The following ERMN variants were observed in gnomAD, a reference collection of about 807,000 sequenced individuals.
ERMN encodes the protein ermin.
A neutral mutation model predicts 21.4 loss-of-function variants in ERMN; 17 were observed. The ratio of observed to expected loss-of-function variants is 0.80; its 90% CI spans 0.54 to 1.19. ERMN has a LOEUF of 1.19. ERMN is among the 50% of genes most tolerant of loss of function. The pLI, the probability that ERMN is intolerant of heterozygous loss-of-function variation, is 0.00. For synonymous variants in ERMN, 115 were observed against 111.9 expected (o/e 1.03, Z -0.17); for missense variants, 348 against 331.6 (o/e 1.05, Z -0.38).
At chr2:157,326,426 T>C (rs1476885000), upstream of ERMN, among the ~76,000 whole-genome samples, 1 of 152,178 alleles carries the variant, frequency 6.6e-6, no homozygotes, top group African/African-American at 2.4e-5. Context: ...TAGCTTCTTA[T>C]CCTCTAGTTT....
chr2:157,322,246 G>GCACACA (rs61536459), intron 2 of ERMN, among the ~76,000 whole-genome samples: 5 of 142,020 alleles, frequency 3.5e-5, no homozygotes, highest in African/African-American at 5.1e-5. Context: ...ACACACACAC[G>GCACACA]CACACACACA....
upstream of ERMN, among the ~76,000 whole-genome samples, chr2:157,326,345 T>C (rs536556370): frequency 6.6e-6 from 1 of 152,246 alleles, no homozygotes; most frequent in Non-Finnish European, 1.5e-5. Context: ...AAGGGACCTA[T>C]GAAATAAACA....
rs2105189752 is a variant in ERMN, at chr2:157,324,712, A to C, written c.292T>G (p.Ser98Ala). 6.2e-7 allele frequency: 1 copy of C among 1,613,748 alleles called. No homozygotes were observed. Among genetic ancestry groups the C allele is most frequent in the South Asian group, 1.1e-5 (1 of 91,048 alleles). ...FIVHKAITDL[S>A]LQETSADEMT... is the part of the protein sequence containing the mutation. ...TCATCAGCACTAGTTTCTTGGAGAG[A>C]AAGATCTGTGATAGCCTTATGAACA... The change falls in exon 2 of 3, where the codon TCT becomes GCT. Residue 98 changes from serine to alanine, a missense_variant. Coordinates refer to ENST00000410096, the MANE Select transcript of ERMN (RefSeq NM_020711.3).
At chr2:157,324,834 A>G (rs1684020276) in intron 1 of ERMN, 72 bp from the exon 2 acceptor site, 16 of 1,063,574 alleles carry the variant, frequency 1.5e-5, no homozygotes, top group Non-Finnish European at 2.0e-5. Flanking sequence ...TAAGTTATCA[A>G]TTTAAACTCT....
Position 157,319,623 on chromosome 2 carries a change from CT to C in ERMN, c.*1647del, listed in dbSNP as rs1189362428. 1.3e-5 allele frequency: 2 copies of C among 152,246 alleles called. No homozygotes were observed. Among genetic ancestry groups the C allele is most frequent in the Non-Finnish European group, 2.9e-5 (2 of 68,006 alleles). 9.4% of individuals were successfully genotyped at this position (152,246 alleles called of 1,614,324 possible). The stretch of plus-strand genomic sequence containing the variant: ...TTGTCCTATTGCATCAATCTTCTCC[CT>C]AACTTTATCAATAAAGACCTGATTT... On this transcript the variant is annotated 3_prime_UTR_variant, in exon 3 of 3. Transcript: ENST00000410096.
At position 157,325,697 on chromosome 2, in the gene ERMN, G is replaced by A. The variant is rs759322114; in HGVS notation, c.-55C>T. The stretch of plus-strand genomic sequence containing the variant: ...GAGCTTTAGGGAAACTGAGTGAGTA[G>A]ATCCTTGATAAGATACCTGCTCTTG... On this transcript the variant is annotated 5_prime_UTR_variant, in exon 1 of 3. Transcript: ENST00000410096. 15 of 1,611,156 alleles carry A rather than the reference G, an allele frequency of 9.3e-6. No individual in the cohort carries two copies. The South Asian group carries it at 1.6e-4, about 18-fold the overall frequency.
In ERMN at chr2:157,321,346, T is replaced by C. The variant is rs771744285; in HGVS notation, c.780A>G (p.Thr260=). The change falls in exon 3 of 3, where the codon ACA becomes ACG. Residue 260 remains threonine, a synonymous_variant. Transcript: ENST00000410096. The part of the protein sequence containing the change: ...ISRNAYSRYN[T]ISYRKIRKGN... ...CCTTTCTGATTTTCCGATAGGATAT[T>C]GTATTGTATCTGGAATAAGCATTTC... 14 of 1,614,134 alleles carry C rather than the reference T, an allele frequency of 8.7e-6. No homozygotes were observed. Among genetic ancestry groups the C allele is most frequent in the Non-Finnish European group, 1.1e-5 (13 of 1,179,996 alleles).
rs1043442114 is a variant in ERMN at position 157,321,248 on chromosome 2, A to G, written c.*23T>C. Reference sequence around the variant, plus strand: ...ATTAGCTTTTCCTTTAGTGGGCATGAGAATTTCTCAGTTCCAGTTAGTTTA... The same window carrying G: ...ATTAGCTTTTCCTTTAGTGGGCATGGGAATTTCTCAGTTCCAGTTAGTTTA... On this transcript the variant is annotated 3_prime_UTR_variant, in exon 3 of 3. Coordinates refer to ENST00000410096, the MANE Select transcript of ERMN (RefSeq NM_020711.3). The G allele has an allele frequency of 6.3e-7, 1 of 1,596,406 alleles. No individual in the cohort carries two copies. The highest frequency in any genetic ancestry group is 8.5e-7 in the Non-Finnish European group (1 of 1,170,892).
rs1356905846 is a variant in ERMN, at chr2:157,320,148, A to G, written c.*1123T>C. ...ATAGTCTCTCTTTTCATAAATATTC[A>G]ATACGTTATTTGACACATTGGTTTG... On this transcript the variant is annotated 3_prime_UTR_variant, in exon 3 of 3. Transcript: ENST00000410096. 3 of 152,566 alleles carry G rather than the reference A, an allele frequency of 2.0e-5. No homozygotes were observed. The highest frequency in any genetic ancestry group is 4.4e-5 in the Non-Finnish European group (3 of 68,022). The allele number at this position is 152,566 out of a possible 1,614,324, so 9.5% of individuals were successfully genotyped here. A position where few individuals can be genotyped will look rare whatever the true frequency, so the allele number is the denominator to read the frequency against.
At chr2:157,326,603 G>A (rs1225336452), upstream of ERMN, among the ~76,000 whole-genome samples, 1 of 152,170 alleles carries the variant, frequency 6.6e-6, no homozygotes, top group African/African-American at 2.4e-5. Flanking sequence ...AGAAACAGGT[G>A]ATTATGTTAA....
chr2:157,321,418 C>T lies in ERMN; in HGVS notation c.708G>A (p.Val236=). ...SPLSSASSQA[V]TPDEQPTLGK... ...CTAAGGTTGGCTGCTCATCAGGTGT[C>T]ACAGCTTGGGAACTGGCACTGCTCA... The change falls in exon 3 of 3, where the codon GTG becomes GTA. Residue 236 remains valine, a synonymous_variant. Transcript: ENST00000410096. 8.1e-6 allele frequency: 13 copies of T among 1,614,100 alleles called. No individual in the cohort carries two copies. The highest frequency in any genetic ancestry group is 1.1e-5 in the Non-Finnish European group (13 of 1,180,000).
chr2:157,322,862 G>C (rs1000097069), intron 2 of ERMN, among the ~76,000 whole-genome samples: 1 of 152,090 alleles, frequency 6.6e-6, no homozygotes, highest in Non-Finnish European at 1.5e-5. Flanking sequence ...ATAATCTTAT[G>C]CTTTGTTTTA....
chr2:157,326,985 T>C (rs1405633338), upstream of ERMN, among the ~76,000 whole-genome samples: 5 of 152,062 alleles, frequency 3.3e-5, no homozygotes, highest in Non-Finnish European at 7.4e-5. Flanking sequence ...CTTGCTTACA[T>C]GTGTCCCCAG....
chr2:157,323,349 T>C (rs1409398944), intron 2 of ERMN, among the ~76,000 whole-genome samples: 1 of 152,212 alleles, frequency 6.6e-6, no homozygotes, highest in East Asian at 1.9e-4. Context: ...GGTTATTAAG[T>C]TCATATTGTG....
At chr2:157,325,861 A>G, upstream of ERMN, 1 of 1,408,488 alleles carries the variant, frequency 7.1e-7, no homozygotes, top group East Asian at 2.5e-5. Flanking sequence ...ATCTGCCAGG[A>G]GCCATGAGCA....
At chr2:157,324,526 T>C (rs1253595137) in intron 2 of ERMN, 144 bp downstream of exon 2, 7 of 661,572 alleles carry the variant, frequency 1.1e-5, no homozygotes, top group African/African-American at 1.8e-5. Flanking sequence ...TAAGACTCTC[T>C]TATCTGCCTA....
At chr2:157,323,192 T>C (rs2105187978) in intron 2 of ERMN, among the ~76,000 whole-genome samples, 1 of 152,222 alleles carries the variant, frequency 6.6e-6, no homozygotes, top group East Asian at 1.9e-4. Flanking sequence ...GCTTTCATTC[T>C]CCATTTGATG....
rs1030313126 is a variant in ERMN, at chr2:157,320,437, A to G, written c.*834T>C. 6.6e-6 allele frequency: 1 copy of G among 152,640 alleles called. No homozygotes were observed. Among genetic ancestry groups the G allele is most frequent in the Non-Finnish European group, 1.5e-5 (1 of 68,028 alleles). The allele number at this position is 152,640 out of a possible 1,614,324, so 9.5% of individuals were successfully genotyped here. A position where few individuals can be genotyped will look rare whatever the true frequency, so the allele number is the denominator to read the frequency against. On this transcript the variant is annotated 3_prime_UTR_variant, in exon 3 of 3. Coordinates refer to ENST00000410096, the MANE Select transcript of ERMN (RefSeq NM_020711.3). Reference sequence around the variant, plus strand: ...TGGTAATAGAGAGGGGCATTTTCTTAAAATTGTGCTAAAGCTGTCATTTTT... The same window carrying G: ...TGGTAATAGAGAGGGGCATTTTCTTGAAATTGTGCTAAAGCTGTCATTTTT...
intron 1 of ERMN, 109 bp from the exon 2 acceptor site, chr2:157,324,871 G>T: frequency 3.0e-6 from 2 of 677,534 alleles, no homozygotes; most frequent in South Asian, 2.3e-5. Flanking sequence ...TTTTAAATCT[G>T]ATCATTAAAA....
Sources: gnomAD v4.1 joint callset for allele counts (sites outside exome capture counted in the v4.1 genomes callset) on GRCh38, gnomAD v4.1.1 for gene constraint, MANE v1.5 for transcripts, NCBI Gene and HGNC (gene_info 2026-07-23, HGNC 2026-07-21) for gene names.